ATP2C1: variants seen among roughly 807,000 people sequenced by gnomAD.
The protein encoded by ATP2C1 is ATPase secretory pathway Ca2+ transporting 1.
A neutral mutation model predicts 120.5 loss-of-function variants in ATP2C1; 31 were observed. The observed-to-expected ratio is 0.26, with a 90% CI of 0.19 to 0.35. The LOEUF (loss-of-function observed/expected upper bound fraction) is 0.35, where lower values mean the gene tolerates loss of function less well. Ranked by LOEUF, ATP2C1 falls within the 10% of genes least tolerant of loss-of-function variation. The pLI, the probability that ATP2C1 is intolerant of heterozygous loss-of-function variation, is 1.00. For missense variants in ATP2C1, 731 were observed against 1,107.5 expected (o/e 0.66, Z 4.83); for synonymous variants, 351 against 358.7 (o/e 0.98, Z 0.24).
intron 26 of ATP2C1, chr3:131,014,308 A>G (rs1248077688): frequency 3.1e-6 from 5 of 1,613,854 alleles, no homozygotes; most frequent in Admixed American, 3.3e-5. Flanking sequence ...GCCTCAGGAC[A>G]TATGCTCAGG....
chr3:131,005,559 C>T (rs2063076156), downstream of ATP2C1, among the ~76,000 whole-genome samples: 1 of 152,214 alleles, frequency 6.6e-6, no homozygotes, highest in African/African-American at 2.4e-5. Context: ...TAGTGGGACA[C>T]AGGTCCATCT....
downstream of ATP2C1, among the ~76,000 whole-genome samples, chr3:131,004,082 T>C (rs1230100928): frequency 6.6e-6 from 1 of 152,190 alleles, no homozygotes; most frequent in Admixed American, 6.5e-5. Context: ...TGAACACAGA[T>C]AGCAGGGGAT....
At chr3:131,016,481 T>C in exon 27 of ATP2C1, 1 of 906,378 alleles carries the variant, frequency 1.1e-6, no homozygotes, top group East Asian at 2.6e-5. Context: ...GCTTCATAAA[T>C]GCCTTGCTGT....
chr3:130,993,847 T>A, intron 21 of ATP2C1, 85 bp from the exon 22 acceptor site: 2 of 1,367,670 alleles, frequency 1.5e-6, no homozygotes, highest in Non-Finnish European at 2.1e-6. Context: ...GTGAAAAAAA[T>A]AGGGAGGATT....
At chr3:130,990,189 G>T (rs575830504) in intron 20 of ATP2C1, among the ~76,000 whole-genome samples, 1 of 151,602 alleles carries the variant, frequency 6.6e-6, no homozygotes, top group African/African-American at 2.4e-5. Context: ...TTTATAGAGC[G>T]CTGTTGGTAT....
intron 2 of ATP2C1, among the ~76,000 whole-genome samples, chr3:130,914,054 C>T (rs2058569359): frequency 6.6e-6 from 1 of 151,984 alleles, no homozygotes; most frequent in African/African-American, 2.4e-5. Context: ...CCTGCTCTTT[C>T]CCTCCTCCTC....
At chr3:130,941,776 A>G in intron 8 of ATP2C1, 77 bp downstream of exon 8, 9 of 1,193,908 alleles carry the variant, frequency 7.5e-6, no homozygotes, top group Non-Finnish European at 1.1e-5. Flanking sequence ...AGTTTTAAGG[A>G]ATTAACACAT....
intron 20 of ATP2C1, among the ~76,000 whole-genome samples, chr3:130,983,564 C>A (rs556008070): frequency 1.8e-4 from 28 of 152,316 alleles, no homozygotes; most frequent in African/African-American, 6.7e-4. Flanking sequence ...TGACATATAT[C>A]CACCATTACA....
upstream of ATP2C1, among the ~76,000 whole-genome samples, chr3:130,890,082 A>T (rs2069120745): frequency 6.6e-6 from 1 of 152,194 alleles, no homozygotes; most frequent in African/African-American, 2.4e-5. Flanking sequence ...TTTTCAGGCT[A>T]TCCATTTATT....
intron 26 of ATP2C1, among the ~76,000 whole-genome samples, chr3:131,015,010 TA>T (rs2063531101): frequency 6.6e-6 from 1 of 152,226 alleles, no homozygotes; most frequent in Non-Finnish European, 1.5e-5. Context: ...TGTTTTGTTT[TA>T]AAAGGATTTG....
At chr3:130,881,944 AG>A (rs2068794971) in intron 1 of ATP2C1, among the ~76,000 whole-genome samples, 1 of 152,184 alleles carries the variant, frequency 6.6e-6, no homozygotes, top group South Asian at 2.1e-4. Context: ...CAGTTCTAAT[AG>A]TTTTTGGTGG....
intron 6 of ATP2C1, among the ~76,000 whole-genome samples, chr3:130,940,101 A>G (rs1343559954): frequency 1.3e-5 from 2 of 152,218 alleles, no homozygotes; most frequent in East Asian, 3.8e-4. Context: ...TCCTTTTTGG[A>G]TACACAGGTT....
intron 1 of ATP2C1, among the ~76,000 whole-genome samples, chr3:130,861,226 G>A (rs1432305788): frequency 1.3e-5 from 2 of 152,092 alleles, no homozygotes; most frequent in South Asian, 2.1e-4. Flanking sequence ...CCGAGATCAC[G>A]CCACTGCACT....
At position 130,868,537 on chromosome 3, in the gene ATP2C1, C is replaced by T. The variant is rs868573225; in HGVS notation, c.108+17609C>T. On this transcript the variant is annotated intron_variant, in intron 1 of 26. Transcript: ENST00000504381. ...CCTCTGCCCGGCCAGCCGCCCCGCC[C>T]GGGAGGGAGGTGGGGGGTCAGCCCC... is the stretch of plus-strand genomic sequence containing the variant. The T allele has an allele frequency of 7.5e-4, 59 of 78,914 alleles. 1 individual carries two copies. Among genetic ancestry groups the T allele is most frequent in the South Asian group, 2.2e-3 (4 of 1,838 alleles). 4.9% of individuals were successfully genotyped at this position (78,914 alleles called of 1,614,324 possible).
intron 2 of ATP2C1, among the ~76,000 whole-genome samples, chr3:130,907,718 G>A (rs1361873568): frequency 6.7e-6 from 1 of 149,420 alleles, no homozygotes; most frequent in Non-Finnish European, 1.5e-5. Context: ...ACCTTTAACA[G>A]TGTCTGCCTT....
chr3:130,969,492 TA>T, intron 17 of ATP2C1, 96 bp downstream of exon 17: 1 of 889,868 alleles, frequency 1.1e-6, no homozygotes, highest in Non-Finnish European at 1.8e-6. Context: ...TTGTACATAA[TA>T]AAGACTTGTT....
At position 130,874,858 on chromosome 3, in the gene ATP2C1, A is replaced by C. The variant is rs551682380; in HGVS notation, c.108+23930A>C. 3.9e-5 allele frequency among the ~76,000 whole-genome samples: 6 copies of C among 152,212 alleles called. No individual in the cohort carries two copies. In the South Asian group the frequency reaches 1.0e-3, roughly 26 times the overall value. On this transcript the variant is annotated intron_variant, in intron 1 of 26. Coordinates refer to the ATP2C1 transcript ENST00000504381. ...AATCCCCAGAATTTGATTCAGTAGGACTCGCCGGAGTGTGAGAATTTGCAT... is the reference window on the plus strand; with the variant it reads ...AATCCCCAGAATTTGATTCAGTAGGCCTCGCCGGAGTGTGAGAATTTGCAT...
At chr3:130,865,039 C>T (rs950270002) in intron 1 of ATP2C1, among the ~76,000 whole-genome samples, 1 of 152,136 alleles carries the variant, frequency 6.6e-6, no homozygotes, top group African/African-American at 2.4e-5. Context: ...AAGCCGCAGA[C>T]ACTCAACGTC....
At chr3:130,940,561 G>A in intron 6 of ATP2C1, 69 bp from the exon 7 acceptor site, 2 of 1,014,780 alleles carry the variant, frequency 2.0e-6, no homozygotes, top group South Asian at 1.3e-5. Flanking sequence ...TAATGATTGA[G>A]ATTAATAAGT....
Sources: gnomAD v4.1 joint callset for allele counts (sites outside exome capture counted in the v4.1 genomes callset) on GRCh38, gnomAD v4.1.1 for gene constraint, MANE v1.5 for transcripts, NCBI Gene and HGNC (gene_info 2026-07-23, HGNC 2026-07-21) for gene names.